The following ACER3 variants were observed in gnomAD, a reference collection of about 807,000 sequenced individuals.
The protein encoded by ACER3 is alkaline ceramidase 3, also known as alkCDase 3.
In ACER3, 16 loss-of-function variants were observed where a neutral mutation model predicts 48.9. The ratio of observed to expected loss-of-function variants is 0.33; its 90% CI spans 0.22 to 0.50. ACER3 has a LOEUF of 0.50. Ranked by LOEUF, ACER3 falls within the 20% of genes least tolerant of loss-of-function variation. ACER3 has a pLI of 0.98. For synonymous variants in ACER3, 109 were observed against 107.8 expected, an observed-to-expected ratio of 1.01 and a Z score of -0.07; for missense variants, 227 against 326.0, an observed-to-expected ratio of 0.70 and a Z score of 2.34.
At chr11:76,909,717 C>T (rs1020813781) in intron 1 of ACER3, among the ~76,000 whole-genome samples, 1 of 152,130 alleles carries the variant, frequency 6.6e-6, no homozygotes, top group African/African-American at 2.4e-5. Context: ...TGTGGCGATT[C>T]CTCAAGGATC....
chr11:76,985,365 C>G (rs1948666738), intron 4 of ACER3, among the ~76,000 whole-genome samples: 1 of 152,156 alleles, frequency 6.6e-6, no homozygotes, highest in Non-Finnish European at 1.5e-5. Flanking sequence ...GGCCACCGCG[C>G]CCAGCTAACT....
Position 76,968,239 on chromosome 11 carries a change from T to C in ACER3, c.268-8050T>C, listed in dbSNP as rs200207921. On this transcript the variant is annotated intron_variant, in intron 3 of 10. Transcript: ENST00000532485. ...ACCTAGGAATCCAACTTACAAGGGA[T>C]GTGAAGGACGTCTTCAAGGAGAACT... Among the ~76,000 whole-genome samples the C allele has an allele frequency of 2.7e-4, 41 of 150,196 alleles. No individual in the cohort carries two copies. In the East Asian group the frequency reaches 7.8e-3, roughly 29 times the overall value.
intron 7 of ACER3, among the ~76,000 whole-genome samples, chr11:77,003,341 T>C (rs1949071733): frequency 6.6e-6 from 1 of 152,226 alleles, no homozygotes; most frequent in African/African-American, 2.4e-5. Context: ...TCAAAATTTA[T>C]GTGTGTAGCA....
chr11:77,005,019 A>T, intron 7 of ACER3, among the ~76,000 whole-genome samples: 1 of 147,508 alleles, frequency 6.8e-6, no homozygotes. Context: ...CCTGCCTGTG[A>T]GTTACTTAAA....
chr11:76,946,092 G>A lies in ACER3; in HGVS notation c.215-12887G>A, dbSNP rs536975822. On this transcript the variant is annotated intron_variant, in intron 2 of 10. Transcript: ENST00000532485. ...CCTCTCAGGTGCGTAGCATGGGCAA[G>A]TGTGAGGAGTGTGTTCTGCTCAAGT... is the stretch of plus-strand genomic sequence containing the variant. Among the ~76,000 whole-genome samples the A allele has an allele frequency of 7.2e-5, 11 of 152,336 alleles. No individual in the cohort carries two copies. In the South Asian group the frequency reaches 2.3e-3, roughly 32 times the overall value.
chr11:76,976,155 G>A lies in ACER3; in HGVS notation c.268-134G>A, dbSNP rs895666041. Reference sequence around the variant, plus strand: ...TCCAACCTTGGCCTCCCAGAGTGCTGGGATTACAGGTGTGAGCCTCTGTGC... The same window carrying A: ...TCCAACCTTGGCCTCCCAGAGTGCTAGGATTACAGGTGTGAGCCTCTGTGC... On this transcript the variant is annotated intron_variant, in intron 3 of 10. Transcript: ENST00000532485. 1.8e-5 allele frequency: 12 copies of A among 682,220 alleles called. No homozygotes were observed. The South Asian group carries it at 2.1e-4, about 12-fold the overall frequency. 42.3% of individuals were successfully genotyped at this position (682,220 alleles called of 1,614,324 possible).
chr11:77,019,252 G>A (rs1004713840), intron 9 of ACER3, among the ~76,000 whole-genome samples: 58 of 152,228 alleles, frequency 3.8e-4, no homozygotes, highest in African/African-American at 1.3e-3. Context: ...CAAGGTCTGG[G>A]GTTCGAGACC....
intron 8 of ACER3, 46 bp from the exon 9 acceptor site, chr11:77,016,629 A>G (rs782346115): frequency 9.5e-7 from 1 of 1,055,990 alleles, no homozygotes; most frequent in Non-Finnish European, 1.4e-6. Context: ...GTTAGTCGCT[A>G]AATATTTTAA....
At position 77,006,431 on chromosome 11, in the gene ACER3, T is replaced by C. The variant is rs567909994; in HGVS notation, c.497+7610T>C. Among the ~76,000 whole-genome samples the C allele has an allele frequency of 2.0e-5, 3 of 152,288 alleles. No individual in the cohort carries two copies. The South Asian group carries it at 6.2e-4, about 32-fold the overall frequency. On this transcript the variant is annotated intron_variant, in intron 7 of 10. Coordinates refer to ENST00000532485, the MANE Select transcript of ACER3 (RefSeq NM_018367.7). ...ACATTTATACTCATTTCCATTGCTC[T>C]TTCTTCCTTCCTGATGTTCCATGAT... is the stretch of plus-strand genomic sequence containing the variant.
chr11:76,882,961 T>C (rs1387528347), intron 1 of ACER3, among the ~76,000 whole-genome samples: 1 of 152,140 alleles, frequency 6.6e-6, no homozygotes, highest in Non-Finnish European at 1.5e-5. Context: ...CCTTTCGAGA[T>C]TCCTCAGTTC....
At chr11:76,912,673 G>A (rs1000010130) in intron 1 of ACER3, among the ~76,000 whole-genome samples, 1 of 151,848 alleles carries the variant, frequency 6.6e-6, no homozygotes. Context: ...TAATGTGGAG[G>A]CAGCGCAGTC....
chr11:76,975,560 G>A (rs1948419181), intron 3 of ACER3, among the ~76,000 whole-genome samples: 1 of 152,038 alleles, frequency 6.6e-6, no homozygotes, highest in African/African-American at 2.4e-5. Flanking sequence ...TCCATTTAAG[G>A]TGATATAGGA....
At chr11:76,966,431 ATTGAAC>A (rs1359602998) in intron 3 of ACER3, among the ~76,000 whole-genome samples, 5 of 150,776 alleles carry the variant, frequency 3.3e-5, no homozygotes, top group Non-Finnish European at 7.4e-5. Flanking sequence ...ATATCCAGGA[ATTGAAC>A]TCAGCTCTGC....
At chr11:76,964,351 G>C (rs902016296) in intron 3 of ACER3, among the ~76,000 whole-genome samples, 3 of 151,478 alleles carry the variant, frequency 2.0e-5, no homozygotes, top group Admixed American at 1.3e-4. Context: ...ACAGCTCAAG[G>C]AGGCCTGCCT....
At chr11:76,885,605 G>A (rs1360568744) in intron 1 of ACER3, among the ~76,000 whole-genome samples, 1 of 152,086 alleles carries the variant, frequency 6.6e-6, no homozygotes, top group Non-Finnish European at 1.5e-5. Flanking sequence ...GAAGGAACAG[G>A]CAAGGCATTA....
chr11:77,005,736 A>C (rs1032343837), intron 7 of ACER3, among the ~76,000 whole-genome samples: 2 of 151,768 alleles, frequency 1.3e-5, no homozygotes, highest in African/African-American at 4.8e-5. Context: ...TCTTCTTATA[A>C]GGACACCAGT....
In ACER3 at chr11:76,947,976, G is replaced by T. The variant is rs72945437; in HGVS notation, c.215-11003G>T. Among the ~76,000 whole-genome samples the T allele has an allele frequency of 2.3e-4, 35 of 152,278 alleles. 1 individual carries two copies. The highest frequency in any genetic ancestry group is 8.2e-4 in the African/African-American group (34 of 41,570). Reference sequence around the variant, plus strand: ...GAAATGAAATGAGATGGCCAGGTACGTAGCTTGGTAGAATTGCCTAAGGCG... The same window carrying T: ...GAAATGAAATGAGATGGCCAGGTACTTAGCTTGGTAGAATTGCCTAAGGCG... On this transcript the variant is annotated intron_variant, in intron 2 of 10. Coordinates refer to ENST00000532485, the MANE Select transcript of ACER3 (RefSeq NM_018367.7).
rs546472204 is a variant in ACER3, at chr11:76,996,849, C to T, written c.439-1914C>T. On this transcript the variant is annotated intron_variant, in intron 6 of 10. Transcript: ENST00000532485. ...CAAGCAATTCTCGTGCCTCAGCCTC[C>T]CCTGTAGCTGGGATTACAAGCATCT... 4.0e-5 allele frequency among the ~76,000 whole-genome samples: 6 copies of T among 151,838 alleles called. 1 individual carries two copies. Among genetic ancestry groups the T allele is most frequent in the Admixed American group, 6.6e-5 (1 of 15,250 alleles).
intron 1 of ACER3, among the ~76,000 whole-genome samples, chr11:76,920,282 C>G (rs1015990820): frequency 6.6e-5 from 10 of 152,288 alleles, no homozygotes; most frequent in African/African-American, 2.4e-4. Flanking sequence ...GCCCACCTAC[C>G]TCTCCGCTCT....
Sources: gnomAD v4.1 joint callset for allele counts (sites outside exome capture counted in the v4.1 genomes callset) on GRCh38, gnomAD v4.1.1 for gene constraint, MANE v1.5 for transcripts, NCBI Gene and HGNC (gene_info 2026-07-23, HGNC 2026-07-21) for gene names.